Variants in CSMD1 observed in about 807,000 individuals in gnomAD.
CSMD1 encodes CUB and Sushi multiple domains 1.
A neutral mutation model predicts 417.5 loss-of-function variants in CSMD1; 213 were observed. The observed-to-expected ratio is 0.51, with a 90% CI of 0.46 to 0.57. CSMD1 has a LOEUF of 0.57. Ranked by LOEUF, CSMD1 falls within the 20% of genes least tolerant of loss-of-function variation. The pLI is 0.00. For missense variants in CSMD1, 6,923 were observed against 4,529.7 expected (o/e 1.53, Z -15.17); for synonymous variants, 2,862 against 1,736.8 (o/e 1.65, Z -16.11).
At chr8:3,209,229 C>T (rs988242919) in intron 30 of CSMD1, among the ~76,000 whole-genome samples, 2 of 152,152 alleles carry the variant, frequency 1.3e-5, no homozygotes, top group Non-Finnish European at 2.9e-5. Context: ...TGATACGTTT[C>T]ATACATGAAC....
chr8:3,629,022 C>G (rs1462641747), intron 7 of CSMD1, among the ~76,000 whole-genome samples: 1 of 152,138 alleles, frequency 6.6e-6, no homozygotes, highest in Non-Finnish European at 1.5e-5. Flanking sequence ...AGAATTCTAA[C>G]CTTTGCTTCA....
At chr8:3,517,811 T>A (rs1307411423) in intron 10 of CSMD1, among the ~76,000 whole-genome samples, 1 of 152,124 alleles carries the variant, frequency 6.6e-6, no homozygotes, top group Non-Finnish European at 1.5e-5. Flanking sequence ...TCCCTTTTAG[T>A]CTATGAGAAG....
chr8:3,141,468 T>C (rs1818473846), intron 41 of CSMD1, among the ~76,000 whole-genome samples: 4 of 152,206 alleles, frequency 2.6e-5, no homozygotes, highest in Middle Eastern at 3.2e-3. Context: ...GGGACCAGTC[T>C]GTCTTTGCAG....
At chr8:3,408,254 A>G (rs1455503304) in intron 13 of CSMD1, 29 bp from the exon 14 acceptor site, 1 of 1,510,548 alleles carries the variant, frequency 6.6e-7, no homozygotes, top group South Asian at 1.2e-5. Context: ...ATTTTCAAAC[A>G]GTTATGCACA....
chr8:4,783,739 T>A (rs1045865817), intron 1 of CSMD1, among the ~76,000 whole-genome samples: 1 of 152,206 alleles, frequency 6.6e-6, no homozygotes, highest in African/African-American at 2.4e-5. Context: ...ACTGCAAGCA[T>A]ATCCTCTTTC....
chr8:3,250,140 G>C (rs1585794868), intron 26 of CSMD1, among the ~76,000 whole-genome samples: 1 of 152,164 alleles, frequency 6.6e-6, no homozygotes, highest in African/African-American at 2.4e-5. Flanking sequence ...CATGTGCCGT[G>C]TTGGTGTGGT....
At chr8:3,039,395 C>CTTTTT (rs1810926798) in intron 50 of CSMD1, among the ~76,000 whole-genome samples, 1 of 142,964 alleles carries the variant, frequency 7.0e-6, no homozygotes, top group African/African-American at 2.8e-5. Flanking sequence ...TTCCTTCCCC[C>CTTTTT]TTCCCTTCCT....
At chr8:4,287,985 A>G (rs1056986076) in intron 3 of CSMD1, among the ~76,000 whole-genome samples, 3 of 152,170 alleles carry the variant, frequency 2.0e-5, no homozygotes, top group Non-Finnish European at 4.4e-5. Context: ...TAATAAAATT[A>G]AGGTTTGATT....
intron 5 of CSMD1, among the ~76,000 whole-genome samples, chr8:3,875,803 A>G (rs1222821933): frequency 6.6e-6 from 1 of 152,182 alleles, no homozygotes. Context: ...GAAGGTACAA[A>G]AACAGCTGAG....
At chr8:2,944,970 C>T (rs947587435) in intron 68 of CSMD1, among the ~76,000 whole-genome samples, 2 of 152,090 alleles carry the variant, frequency 1.3e-5, no homozygotes, top group East Asian at 1.9e-4. Context: ...AAGAACAACA[C>T]GTAAGAAGGT....
At chr8:4,903,011 A>T (rs1435044061) in intron 1 of CSMD1, among the ~76,000 whole-genome samples, 616 of 4,072 alleles carry the variant, frequency 0.15, 4 homozygotes, top group African/African-American at 0.29. Context: ...AATATTAATA[A>T]TAAATAAATA....
intron 3 of CSMD1, among the ~76,000 whole-genome samples, chr8:4,221,871 A>G (rs912292662): frequency 3.9e-5 from 6 of 152,192 alleles, no homozygotes; most frequent in Non-Finnish European, 8.8e-5. Flanking sequence ...AGGATATTAG[A>G]GAATTCTTAG....
At chr8:3,453,682 T>C (rs1033436626) in intron 12 of CSMD1, among the ~76,000 whole-genome samples, 3 of 152,232 alleles carry the variant, frequency 2.0e-5, no homozygotes, top group African/African-American at 7.2e-5. Context: ...AGAGACAGTT[T>C]GTTATAATTT....
intron 48 of CSMD1, among the ~76,000 whole-genome samples, chr8:3,091,149 C>G (rs944371445): frequency 2.6e-4 from 40 of 151,886 alleles, no homozygotes; most frequent in African/African-American, 9.2e-4. Flanking sequence ...AAGAGATTAT[C>G]ATCACTTATG....
At chr8:4,597,080 C>G (rs924586988) in intron 2 of CSMD1, among the ~76,000 whole-genome samples, 1 of 150,606 alleles carries the variant, frequency 6.6e-6, no homozygotes, top group Non-Finnish European at 1.5e-5. Context: ...TCTTTTTCAG[C>G]AGCATGAAAA....
At chr8:4,877,135 C>A (rs1201034279) in intron 1 of CSMD1, among the ~76,000 whole-genome samples, 5 of 151,944 alleles carry the variant, frequency 3.3e-5, no homozygotes, top group Non-Finnish European at 1.5e-5. Context: ...TTTTATCATG[C>A]TCTTTTTCAT....
rs1380108747 is a variant in CSMD1 at position 4,994,315 on chromosome 8, G to T, written c.85+17C>A. The T allele has an allele frequency of 6.2e-7, 1 of 1,607,142 alleles. No homozygotes were observed. ...AGGGCTCTACCGCCTCCCCGGCCAG[G>T]AGCAAGTCCGTCTTACCCTTCGCTG... is the stretch of plus-strand genomic sequence containing the variant. On this transcript the variant is annotated intron_variant, in intron 1 of 69. Transcript: ENST00000635120.
intron 7 of CSMD1, among the ~76,000 whole-genome samples, chr8:3,667,767 G>A (rs1044722357): frequency 1.3e-5 from 2 of 152,124 alleles, no homozygotes; most frequent in Admixed American, 1.3e-4. Flanking sequence ...AACCTTCAGG[G>A]AGCAAGTGTC....
At chr8:4,840,207 T>C (rs1012191283) in intron 1 of CSMD1, among the ~76,000 whole-genome samples, 2 of 8,460 alleles carry the variant, frequency 2.4e-4, no homozygotes, top group Non-Finnish European at 1.2e-3. Flanking sequence ...CTGATCATGG[T>C]CTATGAGTCT....
Sources: allele counts gnomAD v4.1 joint callset (sites outside exome capture counted in the v4.1 genomes callset), GRCh38; gene constraint gnomAD v4.1.1; transcripts MANE v1.5; gene names NCBI Gene and HGNC (gene_info 2026-07-23, HGNC 2026-07-21).